The following TACR1 variants were observed in gnomAD, a reference collection of about 807,000 sequenced individuals.
TACR1 encodes the protein tachykinin receptor 1.
In TACR1, 25 loss-of-function variants were observed where a neutral mutation model predicts 35.8. The observed-to-expected ratio is 0.70, with a 90% CI of 0.51 to 0.98. The LOEUF is 0.98. Among genes scored for constraint, TACR1 ranks in the 50% least tolerant of loss-of-function variants. TACR1 has a pLI of 0.00. For missense variants in TACR1, 478 were observed against 522.9 expected, an observed-to-expected ratio of 0.91 and a Z score of 0.84; for synonymous variants, 195 against 206.7, an observed-to-expected ratio of 0.94 and a Z score of 0.48.
At chr2:75,077,285 A>G (rs1008514686) in intron 2 of TACR1, among the ~76,000 whole-genome samples, 17 of 152,080 alleles carry the variant, frequency 1.1e-4, no homozygotes, top group African/African-American at 2.2e-4. Flanking sequence ...TTTTAATTTT[A>G]CTGATGAGAA....
chr2:75,050,386 C>T (rs775245605), intron 4 of TACR1, among the ~76,000 whole-genome samples: 2 of 152,160 alleles, frequency 1.3e-5, no homozygotes, highest in South Asian at 4.1e-4. Flanking sequence ...GTGTCTAATT[C>T]ACAGAAGGCA....
intron 2 of TACR1, among the ~76,000 whole-genome samples, chr2:75,114,028 T>C (rs1673804881): frequency 6.6e-6 from 1 of 152,216 alleles, no homozygotes; most frequent in Non-Finnish European, 1.5e-5. Context: ...AATCATAATA[T>C]ACAAAAGATG....
At chr2:75,110,678 T>A (rs1202113366) in intron 2 of TACR1, among the ~76,000 whole-genome samples, 1 of 152,012 alleles carries the variant, frequency 6.6e-6, no homozygotes, top group Non-Finnish European at 1.5e-5. Flanking sequence ...CACATTAATG[T>A]GCTTGTATAA....
At position 75,120,809 on chromosome 2, in the gene TACR1, C is replaced by T. The variant is rs746579971; in HGVS notation, c.390-41G>A. 6.8e-6 allele frequency: 10 copies of T among 1,481,022 alleles called. No individual in the cohort carries two copies. The Middle Eastern group carries it at 1.2e-3, about 182-fold the overall frequency. The allele number at this position is 1,481,022 out of a possible 1,614,324, so 91.7% of individuals were successfully genotyped here. On this transcript the variant is annotated intron_variant, in intron 1 of 4. Coordinates refer to ENST00000305249, the MANE Select transcript of TACR1 (RefSeq NM_001058.4). ...AAGAACAAAGTTCTGATCTGGTCAC[C>T]AAAATCTGTATCAGAGATTCCATAT...
chr2:75,197,304 A>G (rs752480283), intron 1 of TACR1, among the ~76,000 whole-genome samples: 2 of 152,228 alleles, frequency 1.3e-5, no homozygotes, highest in Admixed American at 6.5e-5. Context: ...TGACTACAGG[A>G]GCTAAAAAAG....
intron 2 of TACR1, among the ~76,000 whole-genome samples, chr2:75,094,620 G>A (rs2103859579): frequency 6.6e-6 from 1 of 152,054 alleles, no homozygotes; most frequent in African/African-American, 2.4e-5. Flanking sequence ...GGTGGTAGTG[G>A]TGGAGATGGA....
At chr2:75,178,540 A>C (rs1354763004) in intron 1 of TACR1, among the ~76,000 whole-genome samples, 1 of 151,956 alleles carries the variant, frequency 6.6e-6, no homozygotes, top group Non-Finnish European at 1.5e-5. Flanking sequence ...CCCATTGAAA[A>C]AAAAACAACT....
chr2:75,136,812 T>C (rs1007129833), intron 1 of TACR1, among the ~76,000 whole-genome samples: 5 of 152,112 alleles, frequency 3.3e-5, no homozygotes, highest in African/African-American at 1.2e-4. Context: ...ACAGGAAACA[T>C]AGGAAGAAAG....
rs138099973 is a variant in TACR1 at position 75,075,252 on chromosome 2, A to G, written c.585-21497T>C. ...TACATTTACTAGCTAGGGAAGAAAT[A>G]AAAAGTCTGACAATACCAGGTGTTG... On this transcript the variant is annotated intron_variant, in intron 2 of 4. Transcript: ENST00000305249. Among the ~76,000 whole-genome samples the G allele has an allele frequency of 4.7e-3, 710 of 152,332 alleles. 6 individuals carry two copies. The highest frequency in any genetic ancestry group is 0.016 in the African/African-American group (658 of 41,562).
chr2:75,141,874 C>T (rs1674414916), intron 1 of TACR1, among the ~76,000 whole-genome samples: 1 of 152,228 alleles, frequency 6.6e-6, no homozygotes, highest in Admixed American at 6.5e-5. Flanking sequence ...TCATACCCCA[C>T]ATCTGCCCTA....
rs778539969 is a variant in TACR1, at chr2:75,120,583, T to A, written c.575A>T (p.Tyr192Phe). The change falls in exon 2 of 5, where the codon TAT becomes TTT. Residue 192 changes from tyrosine to phenylalanine, a missense_variant. By Grantham distance (22) the Tyr-to-Phe change is conservative (BLOSUM62 3). Transcript: ENST00000305249. ...IEWPEHPNKI[Y>F]EKVYHICVTV... ...AGTCATCTCTACTCACACTTTCTCA[T>A]AAATCTTGTTCGGATGCTCTGGCCA... 6.2e-7 allele frequency: 1 copy of A among 1,601,298 alleles called. No homozygotes were observed. The highest frequency in any genetic ancestry group is 8.5e-7 in the Non-Finnish European group (1 of 1,171,736).
At chr2:75,057,081 G>A (rs977671600) in intron 2 of TACR1, among the ~76,000 whole-genome samples, 2 of 152,206 alleles carry the variant, frequency 1.3e-5, no homozygotes, top group Non-Finnish European at 2.9e-5. Context: ...CATTCTGTCA[G>A]GCCTCTGAGC....
intron 1 of TACR1, among the ~76,000 whole-genome samples, chr2:75,155,142 G>C (rs185040157): frequency 8.3e-4 from 126 of 152,066 alleles, no homozygotes; most frequent in Admixed American, 8.1e-3. Flanking sequence ...AACGTTGAGG[G>C]ACTGTTCCCA....
intron 2 of TACR1, among the ~76,000 whole-genome samples, chr2:75,114,519 C>A (rs115505211): frequency 2.0e-5 from 3 of 152,184 alleles, no homozygotes; most frequent in Admixed American, 6.5e-5. Context: ...ACCCTACAGC[C>A]CACATAACAA....
chr2:75,088,242 G>C (rs770512995), intron 2 of TACR1, among the ~76,000 whole-genome samples: 1 of 152,094 alleles, frequency 6.6e-6, no homozygotes, highest in African/African-American at 2.4e-5. Flanking sequence ...CCTGGCTCTT[G>C]TCCTTGATCA....
At chr2:75,063,440 TAACTA>T (rs1672706149) in intron 2 of TACR1, among the ~76,000 whole-genome samples, 1 of 152,234 alleles carries the variant, frequency 6.6e-6, no homozygotes, top group Admixed American at 6.5e-5. Flanking sequence ...ATTTGCATTA[TAACTA>T]TTCAGCCCAT....
intron 1 of TACR1, among the ~76,000 whole-genome samples, chr2:75,194,479 A>T (rs1194350847): frequency 1.3e-5 from 2 of 152,220 alleles, no homozygotes; most frequent in Admixed American, 6.5e-5. Flanking sequence ...ATGAGATTGC[A>T]GTTCAACCAA....
chr2:75,169,230 A>C (rs546557050), intron 1 of TACR1, among the ~76,000 whole-genome samples: 24 of 152,320 alleles, frequency 1.6e-4, no homozygotes, highest in African/African-American at 5.5e-4. Context: ...TTGATAGATT[A>C]CAATTCTCAT....
chr2:75,132,782 C>T (rs926152781), intron 1 of TACR1, among the ~76,000 whole-genome samples: 1 of 152,166 alleles, frequency 6.6e-6, no homozygotes, highest in Non-Finnish European at 1.5e-5. Context: ...AGACTGGGAC[C>T]ACTGCAAACT....
Sources: gnomAD v4.1 joint callset for allele counts (sites outside exome capture counted in the v4.1 genomes callset) on GRCh38, gnomAD v4.1.1 for gene constraint, MANE v1.5 for transcripts, NCBI Gene and HGNC (gene_info 2026-07-23, HGNC 2026-07-21) for gene names.